GLIS3: variants seen among roughly 807,000 people sequenced by gnomAD.
GLIS3 encodes the protein GLIS family zinc finger 3, also known as zinc finger protein GLIS3.
GLIS3 carries 53 observed loss-of-function variants against 78.6 expected under a neutral mutation model. That is an observed-to-expected ratio of 0.67 (90% CI 0.54 to 0.85). The LOEUF is 0.85. Among genes scored for constraint, GLIS3 ranks in the 40% least tolerant of loss-of-function variants. GLIS3 has a pLI of 0.00. For missense variants in GLIS3, 1,703 were observed against 1,231.1 expected (o/e 1.38, Z -5.74); for synonymous variants, 684 against 509.9 (o/e 1.34, Z -4.60).
At chr9:4,223,246 A>C (rs1475472018) in intron 2 of GLIS3, among the ~76,000 whole-genome samples, 1 of 152,192 alleles carries the variant, frequency 6.6e-6, no homozygotes, top group African/African-American at 2.4e-5. Flanking sequence ...CATACCTTGA[A>C]GTTGGAGTAA....
chr9:4,089,120 G>C (rs1044158192), intron 4 of GLIS3, among the ~76,000 whole-genome samples: 3 of 152,172 alleles, frequency 2.0e-5, no homozygotes, highest in African/African-American at 7.2e-5. Flanking sequence ...ATATTTTGAT[G>C]TGGCCTAGTT....
chr9:3,916,253 AT>A (rs1306173507), intron 6 of GLIS3, among the ~76,000 whole-genome samples: 1 of 152,146 alleles, frequency 6.6e-6, no homozygotes, highest in Non-Finnish European at 1.5e-5. Flanking sequence ...GGGCGACTTA[AT>A]TTTTCCCTAG....
chr9:4,297,704 A>T (rs1816671885), intron 1 of GLIS3, among the ~76,000 whole-genome samples: 1 of 152,138 alleles, frequency 6.6e-6, no homozygotes, highest in African/African-American at 2.4e-5. Flanking sequence ...TACATGCTCC[A>T]GAGATGAGGG....
Position 4,143,641 on chromosome 9 carries a change from G to C in GLIS3, c.389-17700C>G, listed in dbSNP as rs754413366. On this transcript the variant is annotated intron_variant, in intron 2 of 10. Transcript: ENST00000381971. Reference sequence around the variant, plus strand: ...AAACAATACAGTATTGTCAACTATGGTCACCACATTGTGCATGAGCAATCT... The same window carrying C: ...AAACAATACAGTATTGTCAACTATGCTCACCACATTGTGCATGAGCAATCT... 9.1e-4 allele frequency among the ~76,000 whole-genome samples: 138 copies of C among 152,048 alleles called. 3 individuals carry two copies. The highest frequency in any genetic ancestry group is 2.9e-4 in the Non-Finnish European group (20 of 68,016).
chr9:3,871,384 C>G (rs978873132), intron 8 of GLIS3, among the ~76,000 whole-genome samples: 3 of 152,224 alleles, frequency 2.0e-5, no homozygotes, highest in African/African-American at 4.8e-5. Flanking sequence ...AGTAGAGACT[C>G]TGTGTGGGCT....
intron 2 of GLIS3, among the ~76,000 whole-genome samples, chr9:4,226,534 G>A (rs943004121): frequency 1.5e-4 from 23 of 152,154 alleles, no homozygotes; most frequent in African/African-American, 5.3e-4. Context: ...ATGCCTAAGG[G>A]GGAGGGAATG....
chr9:4,224,132 G>A (rs902976097), intron 2 of GLIS3, among the ~76,000 whole-genome samples: 1 of 152,124 alleles, frequency 6.6e-6, no homozygotes, highest in East Asian at 1.9e-4. Context: ...AGCAAACTGC[G>A]CACTCTCACT....
chr9:3,928,275 A>G (rs895975161), intron 6 of GLIS3, among the ~76,000 whole-genome samples: 13 of 152,200 alleles, frequency 8.5e-5, no homozygotes, highest in African/African-American at 3.1e-4. Context: ...ACTGATTTTT[A>G]ATTTATTCCT....
At chr9:3,894,932 C>T (rs1822717772) in intron 7 of GLIS3, among the ~76,000 whole-genome samples, 1 of 152,178 alleles carries the variant, frequency 6.6e-6, no homozygotes, top group South Asian at 2.1e-4. Context: ...ACCACACTGG[C>T]CTCTATGATG....
chr9:3,867,392 TAGTG>T (rs1820656859), intron 8 of GLIS3, among the ~76,000 whole-genome samples: 1 of 152,154 alleles, frequency 6.6e-6, no homozygotes, highest in African/African-American at 2.4e-5. Flanking sequence ...AAGAAGTTAT[TAGTG>T]AGAGAAGAAA....
intron 2 of GLIS3, among the ~76,000 whole-genome samples, chr9:4,187,152 C>A (rs1187822855): frequency 6.6e-6 from 1 of 152,060 alleles, no homozygotes; most frequent in Non-Finnish European, 1.5e-5. Context: ...GTCTTTAATC[C>A]ATCTTGAATT....
intron 2 of GLIS3, among the ~76,000 whole-genome samples, chr9:4,207,585 T>C (rs1242470034): frequency 6.6e-6 from 1 of 152,180 alleles, no homozygotes; most frequent in African/African-American, 2.4e-5. Flanking sequence ...GCCTTACACA[T>C]AGTAAGATCT....
intron 2 of GLIS3, among the ~76,000 whole-genome samples, chr9:4,210,477 T>C (rs924492587): frequency 3.9e-5 from 6 of 152,184 alleles, no homozygotes; most frequent in African/African-American, 1.2e-4. Context: ...TAGAATAGAA[T>C]AGAATTTCAA....
chr9:4,478,448 TA>T, the GLIS3 span, among the ~76,000 whole-genome samples: 1 of 152,018 alleles, frequency 6.6e-6, no homozygotes, highest in African/African-American at 2.4e-5. Flanking sequence ...CCCTCTCTAC[TA>T]AAAATACAAA....
chr9:4,369,831 A>G, the GLIS3 span, among the ~76,000 whole-genome samples: 130 of 152,352 alleles, frequency 8.5e-4, no homozygotes, highest in Non-Finnish European at 1.5e-3. Flanking sequence ...TGGCCAAAAA[A>G]AATAAACAGT....
At chr9:4,284,237 G>A (rs955220856) in intron 2 of GLIS3, among the ~76,000 whole-genome samples, 5 of 152,152 alleles carry the variant, frequency 3.3e-5, no homozygotes, top group East Asian at 1.9e-4. Flanking sequence ...CTGAGACTAC[G>A]TATTGGAAAG....
chr9:3,891,712 A>T (rs1042742637), intron 7 of GLIS3, among the ~76,000 whole-genome samples: 2 of 152,168 alleles, frequency 1.3e-5, no homozygotes, highest in Admixed American at 6.6e-5. Context: ...AAAAGAAAAG[A>T]CACAAAATAT....
chr9:4,091,933 TA>T lies in GLIS3; in HGVS notation c.1710+25834del, dbSNP rs201513476. Among the ~76,000 whole-genome samples, 42 of 150,942 alleles carry T rather than the reference TA, an allele frequency of 2.8e-4. 1 individual carries two copies. The highest frequency in any genetic ancestry group is 7.8e-4 in the East Asian group (4 of 5,158). ...TACAGTAAAAATACCATATAAAAGA[TA>T]AAAAAAAATGATACACTTGTATAGA... On this transcript the variant is annotated intron_variant, in intron 4 of 10. Coordinates refer to ENST00000381971, the MANE Select transcript of GLIS3 (RefSeq NM_001042413.2).
chr9:4,156,501 G>A (rs1034247094), intron 2 of GLIS3, among the ~76,000 whole-genome samples: 1 of 152,216 alleles, frequency 6.6e-6, no homozygotes, highest in Non-Finnish European at 1.5e-5. Context: ...GGAAACAAAG[G>A]TGGGATCATC....
Sources: allele counts gnomAD v4.1 joint callset (sites outside exome capture counted in the v4.1 genomes callset), GRCh38; gene constraint gnomAD v4.1.1; transcripts MANE v1.5; gene names NCBI Gene and HGNC (gene_info 2026-07-23, HGNC 2026-07-21).